Variants in BMP3 observed in about 807,000 individuals in gnomAD.
BMP3 encodes bone morphogenetic protein 3 (osteogenic).
BMP3 carries 23 observed loss-of-function variants against 38.1 expected under a neutral mutation model. The ratio of observed to expected loss-of-function variants is 0.60; its 90% CI spans 0.43 to 0.86. The LOEUF is 0.86. Among genes scored for constraint, BMP3 ranks in the 40% least tolerant of loss-of-function variants. BMP3 has a pLI of 0.00. For missense variants in BMP3, 628 were observed against 579.6 expected (o/e 1.08, Z -0.86); for synonymous variants, 258 against 225.7 (o/e 1.14, Z -1.28).
At chr4:81,032,580 C>T (rs1739809483) in intron 1 of BMP3, among the ~76,000 whole-genome samples, 1 of 152,216 alleles carries the variant, frequency 6.6e-6, no homozygotes. Context: ...GGAAATGTAA[C>T]TGCAAAGCCT....
In BMP3 at chr4:81,030,720, T is replaced by TACAC. The variant is rs1300304350; in HGVS notation, c.-554_-551dup. On this transcript the variant is annotated 5_prime_UTR_variant, in exon 1 of 3. Transcript: ENST00000282701. ...GAAAGAACTAAGTCTCTCTCTCTCA[T>TACAC]ACACACACACACACGCACACACGCG... Among the ~76,000 whole-genome samples, 1 of 150,074 alleles carries TACAC rather than the reference T, an allele frequency of 6.7e-6. No homozygotes were observed. Among genetic ancestry groups the TACAC allele is most frequent in the African/African-American group, 2.4e-5 (1 of 40,842 alleles).
Position 81,031,153 on chromosome 4 carries a change from G to A in BMP3, c.-132G>A. On this transcript the variant is annotated 5_prime_UTR_variant, in exon 1 of 3. Transcript: ENST00000282701. ...GGCCGCTATCTCGCTGCACCCGGCC[G>A]CGTCCCGGGCTCCGTGCGCCCTCGC... 4 of 977,396 alleles carry A rather than the reference G, an allele frequency of 4.1e-6. No homozygotes were observed. In the South Asian group the frequency reaches 5.2e-5, roughly 13 times the overall value. The allele number at this position is 977,396 out of a possible 1,614,324, so 60.5% of individuals were successfully genotyped here.
At position 81,046,386 on chromosome 4, in the gene BMP3, A is replaced by G. The variant is rs1378704581; in HGVS notation, c.965A>G (p.Lys322Arg). The change falls in exon 2 of 3, where the codon AAG (lysine) becomes AGG (arginine). Residue 322 changes from lysine (K) to arginine (R), a missense_variant. Physicochemically the swap from Lys to Arg is conservative, Grantham distance 26. Transcript: ENST00000282701. Reference sequence around the variant, plus strand: ...GTGTGGGAGGAGAGAAAGCCTTACAAGACCCTTCAGGCTCAGGCCCCTGAA... The same window carrying G: ...GTGTGGGAGGAGAGAAAGCCTTACAGGACCCTTCAGGCTCAGGCCCCTGAA... ...DEVWEERKPY[K>R]TLQAQAPEKS... 6.2e-7 allele frequency: 1 copy of G among 1,614,000 alleles called. No homozygotes were observed. The highest frequency in any genetic ancestry group is 2.2e-5 in the East Asian group (1 of 44,862).
In BMP3 at chr4:81,053,759, T is replaced by C. The variant is rs1033130291; in HGVS notation, c.*223T>C. On this transcript the variant is annotated 3_prime_UTR_variant, in exon 3 of 3. Coordinates refer to ENST00000282701, the MANE Select transcript of BMP3 (RefSeq NM_001201.5). ...CTTAAAGCAAGATTTTTAGTAAATA[T>C]GGACATCTATTTCTCTTTTTGTAAT... 1.8e-5 allele frequency: 6 copies of C among 326,170 alleles called. No individual in the cohort carries two copies. Among genetic ancestry groups the C allele is most frequent in the Non-Finnish European group, 2.8e-5 (5 of 181,068 alleles). 20.2% of individuals were successfully genotyped at this position (326,170 alleles called of 1,614,324 possible).
rs530034289 is a variant in BMP3 at position 81,048,357 on chromosome 4, T to C, written c.1227+1709T>C. ...TGTCTTTAAACCCAGGATGACTGAC[T>C]TTAGTTGGGTCTCGAAGTTTTCCAA... On this transcript the variant is annotated intron_variant, in intron 2 of 2. Coordinates refer to ENST00000282701, the MANE Select transcript of BMP3 (RefSeq NM_001201.5). 8.5e-5 allele frequency among the ~76,000 whole-genome samples: 13 copies of C among 152,332 alleles called. No homozygotes were observed. The East Asian group carries it at 2.3e-3, about 27-fold the overall frequency.
At chr4:81,043,270 G>A (rs1368075072) in intron 1 of BMP3, among the ~76,000 whole-genome samples, 1 of 152,188 alleles carries the variant, frequency 6.6e-6, no homozygotes, top group East Asian at 1.9e-4. Context: ...CCTCAGTCCT[G>A]TGGATCTCGG....
chr4:81,048,114 A>G (rs1047742533), intron 2 of BMP3, among the ~76,000 whole-genome samples: 8 of 152,156 alleles, frequency 5.3e-5, no homozygotes, highest in Non-Finnish European at 1.2e-4. Context: ...ACCCAAACAC[A>G]AAGTACGAAT....
rs1739761746 is a variant in BMP3, at chr4:81,031,428, C to T, written c.144C>T (p.Ser48=). Residue 48 remains serine (S), a synonymous_variant, in exon 1 of 3, where the codon TCC becomes TCT. Coordinates refer to ENST00000282701, the MANE Select transcript of BMP3 (RefSeq NM_001201.5). ...GCACGGCAGGTGGTGGCCCGGACTC[C>T]GAGCTGCAGCCGCAAGACAAGGTCT... ...GDRTAGGGPD[S]ELQPQDKVSE... 6.2e-7 allele frequency: 1 copy of T among 1,613,674 alleles called. No homozygotes were observed. Among genetic ancestry groups the T allele is most frequent in the Middle Eastern group, 1.7e-4 (1 of 6,060 alleles).
At chr4:81,034,927 A>C (rs1051973632) in intron 1 of BMP3, among the ~76,000 whole-genome samples, 4 of 152,174 alleles carry the variant, frequency 2.6e-5, no homozygotes, top group Admixed American at 2.6e-4. Flanking sequence ...ACCAGTGGGA[A>C]AACATCATTT....
At chr4:81,031,716 C>T (rs1370145725) in intron 1 of BMP3, 116 bp downstream of exon 1, 23 of 1,264,608 alleles carry the variant, frequency 1.8e-5, no homozygotes, top group Non-Finnish European at 2.0e-5. Flanking sequence ...GACCTTTCTC[C>T]GCCCTCCTCA....
intron 1 of BMP3, among the ~76,000 whole-genome samples, chr4:81,034,753 G>C (rs1739874901): frequency 6.6e-6 from 1 of 152,110 alleles, no homozygotes; most frequent in Non-Finnish European, 1.5e-5. Flanking sequence ...ATGAGGAAGA[G>C]GAGATTCTTT....
At chr4:81,052,633 C>T (rs541739585) in intron 2 of BMP3, among the ~76,000 whole-genome samples, 19 of 152,260 alleles carry the variant, frequency 1.2e-4, no homozygotes, top group African/African-American at 4.6e-4. Flanking sequence ...ATGCCTAATT[C>T]TAAACCAGTG....
chr4:81,031,307 T>G lies in BMP3; in HGVS notation c.23T>G (p.Leu8Arg). Residue 8 changes from leucine to arginine, a missense_variant, in exon 1 of 3, where the codon CTC (leucine) becomes CGC (arginine). Physicochemically the swap from Leu to Arg is moderately radical, Grantham distance 102 (BLOSUM62 -2). Transcript: ENST00000282701. MAGASRLLFLWLGCFCVS... is the reference protein window; with the variant it reads MAGASRLRFLWLGCFCVS... The stretch of plus-strand genomic sequence containing the variant: ...GCCATGGCTGGGGCGAGCAGGCTGC[T>G]CTTTCTGTGGCTGGGCTGCTTCTGC... 1 of 1,609,278 alleles carries G rather than the reference T, an allele frequency of 6.2e-7. No individual in the cohort carries two copies. The highest frequency in any genetic ancestry group is 8.5e-7 in the Non-Finnish European group (1 of 1,177,958).
At chr4:81,043,622 C>G (rs1049441568) in intron 1 of BMP3, among the ~76,000 whole-genome samples, 2 of 138,744 alleles carry the variant, frequency 1.4e-5, no homozygotes, top group Non-Finnish European at 3.0e-5. Flanking sequence ...GCGTCTCACT[C>G]TGTTGCCCAG....
chr4:81,035,790 C>T (rs1739906934), intron 1 of BMP3, among the ~76,000 whole-genome samples: 2 of 151,848 alleles, frequency 1.3e-5, no homozygotes, highest in Non-Finnish European at 2.9e-5. Context: ...ACTTGGAAAA[C>T]GTGATCAATT....
chr4:81,048,123 A>T, intron 2 of BMP3, among the ~76,000 whole-genome samples: 1 of 152,142 alleles, frequency 6.6e-6, no homozygotes, highest in East Asian at 1.9e-4. Flanking sequence ...CAAAGTACGA[A>T]TTCTATACAC....
At chr4:81,040,408 C>T (rs188689889) in intron 1 of BMP3, among the ~76,000 whole-genome samples, 2 of 152,242 alleles carry the variant, frequency 1.3e-5, no homozygotes, top group African/African-American at 2.4e-5. Flanking sequence ...CCTCCAGTTG[C>T]CCCAGTCCCA....
At chr4:81,052,547 A>C (rs1314041332) in intron 2 of BMP3, among the ~76,000 whole-genome samples, 1 of 152,160 alleles carries the variant, frequency 6.6e-6, no homozygotes, top group Non-Finnish European at 1.5e-5. Flanking sequence ...TCTGGTATCC[A>C]TAGGATAACT....
chr4:81,050,949 G>A (rs184446299), intron 2 of BMP3, among the ~76,000 whole-genome samples: 9 of 152,070 alleles, frequency 5.9e-5, no homozygotes, highest in East Asian at 5.8e-4. Flanking sequence ...GCAAATTACC[G>A]GATGGATCTT....
Sources: gnomAD v4.1 joint callset for allele counts (sites outside exome capture counted in the v4.1 genomes callset) on GRCh38, gnomAD v4.1.1 for gene constraint, MANE v1.5 for transcripts, NCBI Gene and HGNC (gene_info 2026-07-23, HGNC 2026-07-21) for gene names.